The following GUCY2C variants were observed in gnomAD, a reference collection of about 807,000 sequenced individuals.
GUCY2C encodes guanylyl cyclase C.
A neutral mutation model predicts 131.1 loss-of-function variants in GUCY2C; 118 were observed. The ratio of observed to expected loss-of-function variants is 0.90; its 90% confidence interval spans 0.78 to 1.05. The LOEUF is 1.05. Ranked by LOEUF, GUCY2C falls within the 50% of genes least tolerant of loss-of-function variation. The probability of loss-of-function intolerance (pLI) is 0.00; values close to 1 mark genes in which losing one functional copy is unlikely to be tolerated. For missense variants in GUCY2C, 1,161 were observed against 1,304.4 expected (o/e 0.89, Z 1.69); for synonymous variants, 452 against 457.8 (o/e 0.99, Z 0.16).
At position 14,669,839 on chromosome 12, in the gene GUCY2C, TC is replaced by T; in HGVS notation, c.1171-7del. The T allele has an allele frequency of 7.8e-7, 1 of 1,288,902 alleles. No homozygotes were observed. The highest frequency in any genetic ancestry group is 1.1e-6 in the Non-Finnish European group (1 of 908,096). The allele number at this position is 1,288,902 out of a possible 1,614,324, so 79.8% of individuals were successfully genotyped here. Reference sequence around the variant, plus strand: ...TAGGTCAAAAGAACCTTGTACTGTGTCAGGGCACAAAAAAGAAAAAGGATGA... The same window carrying T: ...TAGGTCAAAAGAACCTTGTACTGTGTAGGGCACAAAAAAGAAAAAGGATGA... On this transcript the variant is annotated splice_polypyrimidine_tract_variant and splice_region_variant and intron_variant, in intron 9 of 26. Coordinates refer to ENST00000261170, the MANE Select transcript of GUCY2C (RefSeq NM_004963.4).
rs1946680609 is a variant in GUCY2C at position 14,613,013 on chromosome 12, C to T, written c.*104G>A. 1 of 902,502 alleles carries T rather than the reference C, an allele frequency of 1.1e-6. No individual in the cohort carries two copies. Among genetic ancestry groups the T allele is most frequent in the East Asian group, 2.4e-5 (1 of 41,458 alleles). The allele number at this position is 902,502 out of a possible 1,614,324, so 55.9% of individuals were successfully genotyped here. A position where few individuals can be genotyped will look rare whatever the true frequency, so the allele number is the denominator to read the frequency against. ...GCAGCCAAGCCTAAGTACATTTCTG[C>T]TTCATTGAGGTCTCAGGAAAATGTA... is the stretch of plus-strand genomic sequence containing the variant. On this transcript the variant is annotated 3_prime_UTR_variant, in exon 27 of 27. Transcript: ENST00000261170. This position sits in a 1 kb window ranked among gnomAD's most constrained non-coding sequence, Gnocchi z 4.9.
intron 10 of GUCY2C, among the ~76,000 whole-genome samples, chr12:14,663,204 C>A (rs548614683): frequency 6.6e-6 from 1 of 152,328 alleles, no homozygotes; most frequent in African/African-American, 2.4e-5. Context: ...AGCAGAGATG[C>A]ACAGAGGTGG....
chr12:14,624,895 G>A (rs896568291), intron 21 of GUCY2C, among the ~76,000 whole-genome samples: 3 of 152,184 alleles, frequency 2.0e-5, no homozygotes, highest in Non-Finnish European at 2.9e-5. Flanking sequence ...TGGGAAGGCA[G>A]CCAGATAACC....
rs1004840947 is a variant in GUCY2C at position 14,622,079 on chromosome 12, T to C, written c.2527A>G (p.Met843Val). The part of the protein sequence containing the change: ...FTTICKYSTP[M>V]EVVDMLNDIY... ...TCATTAAGCATGTCCACCACTTCCA[T>C]GGGGGTGCTGTATTTGCAGATAGTA... The change falls in exon 22 of 27, where the codon ATG (methionine) becomes GTG (valine). Residue 843 changes from methionine to valine, a missense_variant. Transcript: ENST00000261170. 5.6e-6 allele frequency: 9 copies of C among 1,610,192 alleles called. No individual in the cohort carries two copies. The highest frequency in any genetic ancestry group is 1.1e-5 in the South Asian group (1 of 90,400).
At chr12:14,671,298 C>T (rs1438926607) in intron 9 of GUCY2C, among the ~76,000 whole-genome samples, 10 of 152,014 alleles carry the variant, frequency 6.6e-5, no homozygotes, top group African/African-American at 1.9e-4. Flanking sequence ...CCACCATGCC[C>T]GGCTAATTTT....
chr12:14,695,252 A>G (rs1202411574), intron 1 of GUCY2C, among the ~76,000 whole-genome samples: 1 of 152,216 alleles, frequency 6.6e-6, no homozygotes, highest in Non-Finnish European at 1.5e-5. Flanking sequence ...GCTGGGAATC[A>G]TGGCTGCTTT....
chr12:14,688,878 C>G (rs1016959089), intron 1 of GUCY2C, among the ~76,000 whole-genome samples: 1 of 152,138 alleles, frequency 6.6e-6, no homozygotes, highest in Non-Finnish European at 1.5e-5. Flanking sequence ...AACAGGGAGG[C>G]CAGCGTAGTC....
At chr12:14,641,015 T>C (rs1947390706) in intron 18 of GUCY2C, 67 bp downstream of exon 18, 3 of 1,440,726 alleles carry the variant, frequency 2.1e-6, no homozygotes, top group South Asian at 1.2e-5. Flanking sequence ...CAGATTAGGG[T>C]CTCAGTAAGC....
At chr12:14,663,326 A>G (rs190642624) in intron 10 of GUCY2C, among the ~76,000 whole-genome samples, 12 of 152,312 alleles carry the variant, frequency 7.9e-5, no homozygotes, top group Admixed American at 2.6e-4. Flanking sequence ...CTTTTTGCCC[A>G]GGCTGGCATG....
chr12:14,695,493 C>A (rs984479226), intron 1 of GUCY2C, among the ~76,000 whole-genome samples: 1 of 147,158 alleles, frequency 6.8e-6, no homozygotes, highest in South Asian at 2.2e-4. Flanking sequence ...CCCAGCTACT[C>A]GGGGGGCTGA....
Position 14,643,672 on chromosome 12 carries a change from ACTTCTGT to A in GUCY2C, c.1825_1831del (p.Thr609SerfsTer5). On this transcript the variant is annotated frameshift_variant, in exon 17 of 27. Coordinates refer to ENST00000261170, the MANE Select transcript of GUCY2C (RefSeq NM_004963.4). LOFTEE classifies it high-confidence loss of function. The stretch of plus-strand genomic sequence containing the variant: ...GTTGGTAGATTTCAGACGACCATGG[ACTTCTGT>A]CTTACTGGAGTGCAGATATGACATT... 1 of 1,613,016 alleles carries A rather than the reference ACTTCTGT, an allele frequency of 6.2e-7. No homozygotes were observed. The highest frequency in any genetic ancestry group is 8.5e-7 in the Non-Finnish European group (1 of 1,179,000).
rs1428333749 is a variant in GUCY2C at position 14,651,515 on chromosome 12, G to C, written c.1606-4C>G. On this transcript the variant is annotated splice_region_variant and splice_polypyrimidine_tract_variant and intron_variant, in intron 14 of 26. Transcript: ENST00000261170. ...TGTAATAGTCAATCTGAAGCAACTAGAAGAACGTGTTTGTTTACAAAGCAA... is the reference window on the plus strand; with the variant it reads ...TGTAATAGTCAATCTGAAGCAACTACAAGAACGTGTTTGTTTACAAAGCAA... 7.2e-6 allele frequency: 11 copies of C among 1,523,872 alleles called. No homozygotes were observed. The East Asian group carries it at 2.5e-4, about 34-fold the overall frequency. The allele number at this position is 1,523,872 out of a possible 1,614,324, so 94.4% of individuals were successfully genotyped here.
Position 14,622,072 on chromosome 12 carries a change from A to T in GUCY2C, c.2534T>A (p.Val845Glu), listed in dbSNP as rs777079935. Residue 845 changes from valine (V) to glutamate (E), a missense_variant, in exon 22 of 27, where the codon GTG (valine) becomes GAG (glutamate). Transcript: ENST00000261170. ...ATAGATGTCATTAAGCATGTCCACC[A>T]CTTCCATGGGGGTGCTGTATTTGCA... The part of the protein sequence containing the change: ...TICKYSTPME[V>E]VDMLNDIYKS... The T allele has an allele frequency of 6.2e-6, 10 of 1,610,310 alleles. No individual in the cohort carries two copies. The highest frequency in any genetic ancestry group is 8.5e-6 in the Non-Finnish European group (10 of 1,178,704).
At chr12:14,662,208 G>A (rs1012205235) in intron 10 of GUCY2C, among the ~76,000 whole-genome samples, 1 of 152,108 alleles carries the variant, frequency 6.6e-6, no homozygotes, top group South Asian at 2.1e-4. Flanking sequence ...TCTTTATACA[G>A]CAAGGAAAGA....
intron 10 of GUCY2C, among the ~76,000 whole-genome samples, chr12:14,666,346 C>T (rs920424668): frequency 3.9e-5 from 6 of 152,246 alleles, no homozygotes; most frequent in Admixed American, 2.0e-4. Flanking sequence ...CATTCATCTA[C>T]GCAAGCTTCC....
At chr12:14,656,722 T>C in intron 11 of GUCY2C, 105 bp from the exon 12 acceptor site, 1 of 582,454 alleles carries the variant, frequency 1.7e-6, no homozygotes, top group South Asian at 2.5e-5. Flanking sequence ...CAGGTAGATA[T>C]GTGTGAGGGA....
At chr12:14,652,362 A>G (rs1197015282) in intron 13 of GUCY2C, among the ~76,000 whole-genome samples, 1 of 151,948 alleles carries the variant, frequency 6.6e-6, no homozygotes, top group African/African-American at 2.4e-5. Context: ...TTTAGGAGAA[A>G]CGGGGTTTTG....
chr12:14,613,023 G>A lies in GUCY2C; in HGVS notation c.*94C>T, dbSNP rs1946680898. Reference sequence around the variant, plus strand: ...CTAAGTACATTTCTGCTTCATTGAGGTCTCAGGAAAATGTAAGCTTTCAGG... The same window carrying A: ...CTAAGTACATTTCTGCTTCATTGAGATCTCAGGAAAATGTAAGCTTTCAGG... On this transcript the variant is annotated 3_prime_UTR_variant, in exon 27 of 27. Coordinates refer to ENST00000261170, the MANE Select transcript of GUCY2C (RefSeq NM_004963.4). This position sits in a 1 kb window ranked among gnomAD's most constrained non-coding sequence, Gnocchi z 4.9. 2.0e-6 allele frequency: 2 copies of A among 993,192 alleles called. No homozygotes were observed. Among genetic ancestry groups the A allele is most frequent in the African/African-American group, 1.6e-5 (1 of 61,714 alleles). 61.5% of individuals were successfully genotyped at this position (993,192 alleles called of 1,614,324 possible).
chr12:14,625,535 A>G (rs950925798), intron 21 of GUCY2C, among the ~76,000 whole-genome samples: 4 of 151,902 alleles, frequency 2.6e-5, no homozygotes, highest in Non-Finnish European at 5.9e-5. Context: ...GGGTTTCACC[A>G]TGTTAGCCAG....
Sources: gnomAD v4.1 joint callset for allele counts (sites outside exome capture counted in the v4.1 genomes callset) on GRCh38, gnomAD v4.1.1 for gene constraint, Gnocchi (gnomAD v3.1) non-coding constraint, MANE v1.5 for transcripts, NCBI Gene and HGNC (gene_info 2026-07-23, HGNC 2026-07-21) for gene names.